Variants in NAV1 observed in about 807,000 individuals in gnomAD.
NAV1 encodes pore membrane and/or filament interacting like protein 3.
A neutral mutation model predicts 175.2 loss-of-function variants in NAV1; 18 were observed. That is an observed-to-expected ratio of 0.10 (90% CI 0.07 to 0.15). The LOEUF is 0.15. NAV1 is among the 10% of genes least tolerant of loss of function. The pLI is 1.00. For missense variants in NAV1, 1,731 were observed against 2,436.6 expected, an observed-to-expected ratio of 0.71 and a Z score of 6.10; for synonymous variants, 897 against 978.7, an observed-to-expected ratio of 0.92 and a Z score of 1.56.
At position 201,812,781 on chromosome 1, in the gene NAV1, T is replaced by C; in HGVS notation, c.5221+120T>C. On this transcript the variant is annotated intron_variant, in intron 27 of 29. Transcript: ENST00000367296. The surrounding 1 kb of genome is among the most constrained non-coding windows in gnomAD (Gnocchi z 4.6). ...CGGCATGTAAAGGAGCTGCAAGCCT[T>C]GTGGCTTCAGACTTAGAACCACTTA... is the stretch of plus-strand genomic sequence containing the variant. 2 of 916,494 alleles carry C rather than the reference T, an allele frequency of 2.2e-6. No homozygotes were observed. Among genetic ancestry groups the C allele is most frequent in the Non-Finnish European group, 3.4e-6 (2 of 596,776 alleles). The allele number at this position is 916,494 out of a possible 1,614,324, so 56.8% of individuals were successfully genotyped here.
At chr1:201,637,575 T>G (rs1156378898) in intron 2 of NAV1, among the ~76,000 whole-genome samples, 1 of 152,122 alleles carries the variant, frequency 6.6e-6, no homozygotes, top group Non-Finnish European at 1.5e-5. Flanking sequence ...TATTACAGAG[T>G]AAGACTATCT....
intron 1 of NAV1, among the ~76,000 whole-genome samples, chr1:201,670,560 GTAGAGATGATGGTGATGGTTTGATGA>G (rs943384794): frequency 2.1e-4 from 31 of 149,334 alleles, no homozygotes; most frequent in African/African-American, 1.5e-4. Flanking sequence ...GGTGATGGTG[GTAGAGATGATGGTGATGGTTTGATGA>G]TAGAGATGAT....
At position 201,810,073 on chromosome 1, in the gene NAV1, G is replaced by A. The variant is rs761481392; in HGVS notation, c.4529G>A (p.Arg1510Gln). 3.5e-5 allele frequency: 56 copies of A among 1,613,538 alleles called. No homozygotes were observed. The highest frequency in any genetic ancestry group is 4.7e-5 in the Non-Finnish European group (55 of 1,179,958). Residue 1510 changes from arginine (R) to glutamine (Q), a missense_variant, in exon 23 of 30, where the codon CGA (arginine) becomes CAA (glutamine). Around this residue, in one of 13 missense-constraint regions of NAV1, gnomAD observed 36 missense variants for 45.3 expected, o/e 0.80. Coordinates refer to ENST00000367296, the Ensembl canonical transcript of NAV1. This position sits in a 1 kb window ranked among gnomAD's most constrained non-coding sequence, Gnocchi z 6.0. ...CCCCCCGAGATGCCTCCTTGCCGTC[G>A]AGGTGTCAATAACATATCAGTCTCC...
chr1:201,667,862 A>T (rs2102370838), intron 1 of NAV1, among the ~76,000 whole-genome samples: 1 of 152,232 alleles, frequency 6.6e-6, no homozygotes, highest in Non-Finnish European at 1.5e-5. Flanking sequence ...TGGTTGAGGG[A>T]TCCTCTTCTG....
chr1:201,754,911 A>T (rs1485795355), intron 3 of NAV1, among the ~76,000 whole-genome samples: 1 of 152,232 alleles, frequency 6.6e-6, no homozygotes, highest in African/African-American at 2.4e-5. Context: ...AATTTGTCTC[A>T]AACAATGGAA....
intron 1 of NAV1, among the ~76,000 whole-genome samples, chr1:201,540,312 C>T (rs1183753489): frequency 6.6e-6 from 1 of 152,218 alleles, no homozygotes; most frequent in Admixed American, 6.5e-5. Flanking sequence ...GCTGGATCCC[C>T]CCTTGATAAC....
At chr1:201,571,431 C>T (rs1666541474) in intron 1 of NAV1, among the ~76,000 whole-genome samples, 2 of 152,248 alleles carry the variant, frequency 1.3e-5, no homozygotes, top group Admixed American at 6.5e-5. Flanking sequence ...ATATATTGAG[C>T]ACCTTCCATG....
At chr1:201,623,307 G>C (rs1205910078) in exon 1 of NAV1, 11 of 985,826 alleles carry the variant, frequency 1.1e-5, no homozygotes, top group Non-Finnish European at 1.1e-5. Context: ...CAGTCTGCCA[G>C]ACCCGGGGCA....
At chr1:201,803,196 T>C (rs1250631937) in intron 15 of NAV1, among the ~76,000 whole-genome samples, 1 of 152,186 alleles carries the variant, frequency 6.6e-6, no homozygotes, top group Non-Finnish European at 1.5e-5. Context: ...ATTTGGCTAG[T>C]ATATGGCTAG....
In NAV1 at chr1:201,738,220, C is replaced by T. The variant is rs534417558; in HGVS notation, c.1226+19465C>T. Among the ~76,000 whole-genome samples, 21 of 152,080 alleles carry T rather than the reference C, an allele frequency of 1.4e-4. No homozygotes were observed. In the South Asian group the frequency reaches 4.4e-3, roughly 32 times the overall value. On this transcript the variant is annotated intron_variant, in intron 3 of 29. Transcript: ENST00000367296. ...GTAAAGGGAATAAAAATCTGTCTGC[C>T]CCCCATGCTAGGGGGAAGTCTGAGG...
rs1446093455 is a variant in NAV1, at chr1:201,713,713, G to T, written c.860+794G>T. 8.5e-5 allele frequency among the ~76,000 whole-genome samples: 13 copies of T among 152,300 alleles called. No individual in the cohort carries two copies. In the East Asian group the frequency reaches 2.5e-3, roughly 29 times the overall value. On this transcript the variant is annotated intron_variant, in intron 2 of 29. Transcript: ENST00000367296. ...AGACAGCCAGATTGGGAAATCATGGGGGGTGTGGGGCAGGAAGGCTGTGTG... is the reference window on the plus strand; with the variant it reads ...AGACAGCCAGATTGGGAAATCATGGTGGGTGTGGGGCAGGAAGGCTGTGTG...
chr1:201,565,863 G>A (rs973844125), intron 1 of NAV1, among the ~76,000 whole-genome samples: 5 of 152,246 alleles, frequency 3.3e-5, no homozygotes, highest in African/African-American at 1.2e-4. Flanking sequence ...ATCCCTGGAG[G>A]CGCCAGACAT....
intron 1 of NAV1, among the ~76,000 whole-genome samples, chr1:201,580,907 T>C (rs1414219359): frequency 1.3e-5 from 2 of 152,110 alleles, no homozygotes; most frequent in Non-Finnish European, 2.9e-5. Flanking sequence ...CTTTGAAAGA[T>C]AAATGGATTT....
exon 30 of NAV1, chr1:201,822,470 C>T (rs766188658): frequency 2.0e-5 from 3 of 152,668 alleles, no homozygotes; most frequent in African/African-American, 7.2e-5. Context: ...ATGTTACTGG[C>T]TACTTGAGAA....
chr1:201,643,275 CT>C (rs1188228071), upstream of NAV1, among the ~76,000 whole-genome samples: 1 of 142,356 alleles, frequency 7.0e-6, no homozygotes, highest in Non-Finnish European at 1.5e-5. Flanking sequence ...CCCTCCCTCT[CT>C]TTCTTTCTTT....
intron 3 of NAV1, among the ~76,000 whole-genome samples, chr1:201,762,081 G>A (rs1420521056): frequency 6.6e-6 from 1 of 152,186 alleles, no homozygotes; most frequent in Non-Finnish European, 1.5e-5. Context: ...GATCCCTTGA[G>A]CTCTGGAGCT....
At position 201,568,352 on chromosome 1, in the gene NAV1, G is replaced by A. The variant is rs1045004504; in HGVS notation, c.-143-20187G>A. Among the ~76,000 whole-genome samples, 170 of 152,294 alleles carry A rather than the reference G, an allele frequency of 1.1e-3. 1 individual carries two copies. Among genetic ancestry groups the A allele is most frequent in the Non-Finnish European group, 1.6e-4 (11 of 68,034 alleles). On this transcript the variant is annotated intron_variant, in intron 1 of 33. Coordinates refer to the NAV1 transcript ENST00000685211. ...TTGTCTGTTTCCTGTAACACCCAAAGCCTATTTGTTAATGGAGTGTCAGCA... is the reference window on the plus strand; with the variant it reads ...TTGTCTGTTTCCTGTAACACCCAAAACCTATTTGTTAATGGAGTGTCAGCA...
chr1:201,640,424 C>G (rs1571857382), intron 2 of NAV1, among the ~76,000 whole-genome samples: 1 of 152,124 alleles, frequency 6.6e-6, no homozygotes, highest in South Asian at 2.1e-4. Context: ...TTTTTTTCAG[C>G]AAGTGGGAGT....
At chr1:201,625,836 G>A (rs1318077629) in intron 1 of NAV1, among the ~76,000 whole-genome samples, 1 of 152,204 alleles carries the variant, frequency 6.6e-6, no homozygotes, top group African/African-American at 2.4e-5. Context: ...ATTTTCCAAA[G>A]AGCTCAGAAT....
Sources: gnomAD v4.1 joint callset for allele counts (sites outside exome capture counted in the v4.1 genomes callset) on GRCh38, gnomAD v4.1.1 for gene constraint, gnomAD v4.1.1 regional missense constraint, Gnocchi (gnomAD v3.1) non-coding constraint, MANE v1.5 for transcripts, NCBI Gene and HGNC (gene_info 2026-07-23, HGNC 2026-07-21) for gene names.